Variants in GABRA3 observed in about 807,000 individuals in gnomAD.
GABRA3 encodes gamma-aminobutyric acid type A receptor subunit alpha3.
GABRA3 carries 10 observed loss-of-function variants against 30.1 expected under a neutral mutation model. The observed-to-expected ratio is 0.33, with a 90% CI of 0.20 to 0.56. The LOEUF (loss-of-function observed/expected upper bound fraction) is 0.56, where lower values mean the gene tolerates loss of function less well. GABRA3 is among the 20% of genes least tolerant of loss of function. The probability of loss-of-function intolerance (pLI) is 0.89; values close to 1 mark genes in which losing one functional copy is unlikely to be tolerated. For synonymous variants in GABRA3, 151 were observed against 146.8 expected (o/e 1.03, Z -0.21); for missense variants, 233 against 392.0 (o/e 0.59, Z 3.42).
intron 6 of GABRA3, among the ~76,000 whole-genome samples, chrX:152,209,994 GA>G (rs1937614448): frequency 8.9e-6 from 1 of 112,467 alleles, no homozygotes; most frequent in African/African-American, 3.2e-5. Flanking sequence ...ACAATTAATA[GA>G]CTTTTTTTTA....
At chrX:152,253,797 G>C (rs1441775219) in intron 5 of GABRA3, among the ~76,000 whole-genome samples, 3 of 111,464 alleles carry the variant, frequency 2.7e-5, no homozygotes, top group Admixed American at 9.6e-5. Context: ...TCTCTGTCTA[G>C]AACGTCCTTC....
At chrX:152,318,555 A>G (rs996560912) in intron 3 of GABRA3, among the ~76,000 whole-genome samples, 3 of 111,774 alleles carry the variant, frequency 2.7e-5, no homozygotes, top group Admixed American at 1.9e-4. Flanking sequence ...TCCATGATGA[A>G]CATAGATGCA....
At chrX:152,262,676 T>TC (rs1938751057) in intron 4 of GABRA3, among the ~76,000 whole-genome samples, 1 of 111,788 alleles carries the variant, frequency 8.9e-6, no homozygotes, top group Non-Finnish European at 1.9e-5. Context: ...GCTCAAAACT[T>TC]CCCCACATCT....
chrX:152,216,059 G>A (rs1027041668), intron 6 of GABRA3, among the ~76,000 whole-genome samples: 11 of 110,321 alleles, frequency 1.0e-4, no homozygotes, highest in Non-Finnish European at 2.1e-4. Context: ...TGGTTAGAAT[G>A]ACTATTATCA....
intron 7 of GABRA3, among the ~76,000 whole-genome samples, chrX:152,199,560 C>G (rs1422797750): frequency 9.0e-6 from 1 of 110,669 alleles, no homozygotes; most frequent in East Asian, 2.8e-4. Context: ...CTGTGAGACA[C>G]ATTTCTGTTA....
At chrX:152,387,553 C>T (rs930536381) in intron 1 of GABRA3, among the ~76,000 whole-genome samples, 15 of 111,126 alleles carry the variant, frequency 1.3e-4, no homozygotes, top group African/African-American at 4.6e-4. Flanking sequence ...TCTAAAACAG[C>T]GTGCATCTTT....
chrX:152,337,584 T>TAAGG (rs1940252486), intron 3 of GABRA3, among the ~76,000 whole-genome samples: 1 of 111,779 alleles, frequency 8.9e-6, no homozygotes, highest in Admixed American at 9.5e-5. Context: ...ATCCCAGCAC[T>TAAGG]TTGGGAGGCT....
intron 9 of GABRA3, chrX:152,186,956 C>A (rs972272724): frequency 9.0e-6 from 1 of 111,573 alleles, no homozygotes; most frequent in African/African-American, 3.3e-5. Context: ...TTATTAAAAT[C>A]TATGACATTT....
chrX:152,336,571 A>G (rs1940237809), intron 3 of GABRA3, among the ~76,000 whole-genome samples: 1 of 111,780 alleles, frequency 8.9e-6, no homozygotes, highest in African/African-American at 3.3e-5. Context: ...TGCTGCCTTT[A>G]TGTAAGTTTG....
At chrX:152,207,104 T>C (rs1436788570) in intron 7 of GABRA3, among the ~76,000 whole-genome samples, 1 of 111,316 alleles carries the variant, frequency 9.0e-6, no homozygotes, top group African/African-American at 3.3e-5. Context: ...TTAGGCACCC[T>C]CCCCTGATTC....
chrX:152,259,522 C>G (rs980779456), intron 4 of GABRA3, among the ~76,000 whole-genome samples: 2 of 111,524 alleles, frequency 1.8e-5, no homozygotes, highest in African/African-American at 6.5e-5. Context: ...AAGATTTTGT[C>G]TTGCATCTTG....
At chrX:152,416,092 G>A (rs756822270) in intron 1 of GABRA3, among the ~76,000 whole-genome samples, 1 of 106,525 alleles carries the variant, frequency 9.4e-6, no homozygotes, top group Admixed American at 1.0e-4. Context: ...GTCCCTGTTT[G>A]CAGATGACAT....
At chrX:152,230,118 G>A (rs1334169675) in intron 5 of GABRA3, among the ~76,000 whole-genome samples, 1 of 111,549 alleles carries the variant, frequency 9.0e-6, no homozygotes, top group East Asian at 2.8e-4. Context: ...TAATGGTATG[G>A]AGTTTCTTTT....
chrX:152,367,977 C>G (rs149878960), intron 1 of GABRA3, among the ~76,000 whole-genome samples: 1,503 of 112,025 alleles, frequency 0.013, 33 homozygotes, highest in African/African-American at 0.046. Context: ...TGCTACCACT[C>G]TAGCTTGTCA....
chrX:152,376,457 C>T (rs1378422929), intron 1 of GABRA3, among the ~76,000 whole-genome samples: 2 of 110,731 alleles, frequency 1.8e-5, no homozygotes, highest in Non-Finnish European at 3.8e-5. Flanking sequence ...TGAGGTGAAC[C>T]TTCCCTATCT....
intron 7 of GABRA3, among the ~76,000 whole-genome samples, chrX:152,207,514 G>C (rs1937570169): frequency 8.9e-6 from 1 of 111,940 alleles, no homozygotes; most frequent in Admixed American, 9.4e-5. Context: ...TTTTTTCTGA[G>C]TTACGTGATC....
intron 6 of GABRA3, among the ~76,000 whole-genome samples, chrX:152,208,657 C>G: frequency 9.0e-6 from 1 of 111,281 alleles, no homozygotes; most frequent in Non-Finnish European, 1.9e-5. Context: ...GGTGACACCC[C>G]CCTCCAGTAA....
At chrX:152,175,587 T>G (rs1257074335) in intron 9 of GABRA3, among the ~76,000 whole-genome samples, 1 of 111,260 alleles carries the variant, frequency 9.0e-6, no homozygotes, top group African/African-American at 3.3e-5. Context: ...TGGAAGCACA[T>G]AAAGCAGGGC....
intron 1 of GABRA3, among the ~76,000 whole-genome samples, chrX:152,408,156 T>C (rs952013510): frequency 9.0e-6 from 1 of 111,524 alleles, no homozygotes; most frequent in African/African-American, 3.3e-5. Flanking sequence ...TCCTCTAACA[T>C]CTGGAACTAA....
Sources: gnomAD v4.1 joint callset for allele counts (sites outside exome capture counted in the v4.1 genomes callset) on GRCh38, gnomAD v4.1.1 for gene constraint, MANE v1.5 for transcripts, NCBI Gene and HGNC (gene_info 2026-07-23, HGNC 2026-07-21) for gene names.